KAT2B: variants seen among roughly 807,000 people sequenced by gnomAD.
KAT2B encodes lysine acetyltransferase 2B, also known as histone acetyltransferase KAT2B.
In KAT2B, 36 loss-of-function variants were observed where a neutral mutation model predicts 105.9. The ratio of observed to expected loss-of-function variants is 0.34; its 90% CI spans 0.26 to 0.45. The LOEUF (loss-of-function observed/expected upper bound fraction) is 0.45. KAT2B is among the 20% of genes least tolerant of loss of function. The pLI is 1.00. For missense variants in KAT2B, 820 were observed against 1,021.6 expected (o/e 0.80, Z 2.69); for synonymous variants, 397 against 377.9 (o/e 1.05, Z -0.59).
intron 2 of KAT2B, among the ~76,000 whole-genome samples, chr3:20,080,381 A>G (rs1372236708): frequency 6.6e-6 from 1 of 152,176 alleles, no homozygotes; most frequent in Non-Finnish European, 1.5e-5. Flanking sequence ...ATTTTCTGCC[A>G]GGGAATTCTG....
At chr3:20,107,920 T>A (rs1699051552) in intron 5 of KAT2B, among the ~76,000 whole-genome samples, 1 of 149,434 alleles carries the variant, frequency 6.7e-6, no homozygotes, top group African/African-American at 2.5e-5. Flanking sequence ...ACGATTCTCC[T>A]GCCTCAGGCT....
intron 1 of KAT2B, among the ~76,000 whole-genome samples, chr3:20,060,556 A>G: frequency 6.6e-6 from 1 of 152,208 alleles, no homozygotes; most frequent in Middle Eastern, 3.4e-3. Context: ...AGCTGAGATC[A>G]CGCCATTGCA....
intron 13 of KAT2B, among the ~76,000 whole-genome samples, chr3:20,141,891 A>G (rs1214696467): frequency 1.3e-5 from 2 of 151,792 alleles, no homozygotes; most frequent in African/African-American, 2.4e-5. Context: ...TTAATAAAGC[A>G]CAGCGGGCTC....
chr3:20,047,782 T>A (rs1231816650), intron 1 of KAT2B, among the ~76,000 whole-genome samples: 1 of 151,646 alleles, frequency 6.6e-6, no homozygotes, highest in African/African-American at 2.4e-5. Flanking sequence ...CCTGTTAAAT[T>A]TTTTTGTATT....
intron 1 of KAT2B, among the ~76,000 whole-genome samples, chr3:20,059,412 CAAAAAAAAAAAAA>C (rs34763319): frequency 2.6e-5 from 1 of 38,336 alleles, no homozygotes; most frequent in East Asian, 7.8e-4. Flanking sequence ...GACTCTGTCT[CAAAAAAAAAAAAA>C]AAAAAAAAAA....
chr3:20,080,455 T>A (rs1180065106), intron 2 of KAT2B, among the ~76,000 whole-genome samples: 1 of 152,212 alleles, frequency 6.6e-6, no homozygotes, highest in Non-Finnish European at 1.5e-5. Flanking sequence ...TAGAGCTCTG[T>A]GGCAATGTTC....
intron 12 of KAT2B, among the ~76,000 whole-genome samples, chr3:20,139,086 A>G (rs1470827612): frequency 6.7e-6 from 1 of 150,264 alleles, no homozygotes; most frequent in Non-Finnish European, 1.5e-5. Context: ...ATTTGTAGAG[A>G]TGGTGAGGGG....
chr3:20,088,560 TC>T (rs1698661253), intron 2 of KAT2B, among the ~76,000 whole-genome samples: 1 of 152,254 alleles, frequency 6.6e-6, no homozygotes, highest in Non-Finnish European at 1.5e-5. Context: ...TTGAGAAATG[TC>T]TGTTCATATC....
chr3:20,103,022 A>C (rs957482244), intron 5 of KAT2B, among the ~76,000 whole-genome samples: 20 of 152,224 alleles, frequency 1.3e-4, no homozygotes, highest in Non-Finnish European at 2.5e-4. Flanking sequence ...TCACTTTTGC[A>C]AATATATGCA....
At chr3:20,134,873 C>CT (rs578188415) in intron 11 of KAT2B, among the ~76,000 whole-genome samples, 7 of 152,118 alleles carry the variant, frequency 4.6e-5, no homozygotes, top group East Asian at 1.9e-4. Context: ...TTAATTTTGA[C>CT]TTTTTTTTAC....
chr3:20,116,961 A>G (rs898875175), intron 7 of KAT2B, among the ~76,000 whole-genome samples: 2 of 152,194 alleles, frequency 1.3e-5, no homozygotes, highest in African/African-American at 4.8e-5. Context: ...GTGTGCTGCC[A>G]ATATACAGCA....
At chr3:20,082,676 G>T (rs902690567) in intron 2 of KAT2B, among the ~76,000 whole-genome samples, 1 of 152,086 alleles carries the variant, frequency 6.6e-6, no homozygotes, top group African/African-American at 2.4e-5. Context: ...TTTTGTTTAT[G>T]TAGGAAAAAC....
At chr3:20,105,920 G>A (rs1020366695) in intron 5 of KAT2B, among the ~76,000 whole-genome samples, 5 of 151,868 alleles carry the variant, frequency 3.3e-5, no homozygotes, top group South Asian at 4.1e-4. Context: ...ACAGCCTATT[G>A]CCATGTATAC....
At position 20,069,525 on chromosome 3, in the gene KAT2B, TTTTC is replaced by T. The variant is rs779693044; in HGVS notation, c.304-2804_304-2801del. The stretch of plus-strand genomic sequence containing the variant: ...GAGCTTTTCTTTTTCTTTTCTTTTC[TTTTC>T]TTTTTTTTTTTTTTGAGACAGAGTC... On this transcript the variant is annotated intron_variant, in intron 1 of 17. Coordinates refer to ENST00000263754, the MANE Select transcript of KAT2B (RefSeq NM_003884.5). Among the ~76,000 whole-genome samples, 1,077 of 141,790 alleles carry T rather than the reference TTTTC, an allele frequency of 7.6e-3. 8 individuals carry two copies. The highest frequency in any genetic ancestry group is 0.024 in the African/African-American group (953 of 38,920). The allele number at this position is 141,790 out of a possible 152,430, so 93.0% of individuals were successfully genotyped here. A position where few individuals can be genotyped will look rare whatever the true frequency, so the allele number is the denominator to read the frequency against.
At chr3:20,053,841 C>T (rs1697957999) in intron 1 of KAT2B, among the ~76,000 whole-genome samples, 1 of 151,894 alleles carries the variant, frequency 6.6e-6, no homozygotes, top group South Asian at 2.1e-4. Context: ...CTCTGTAGCC[C>T]AGGCTGGAGT....
At chr3:20,141,599 C>A (rs150169098) in intron 13 of KAT2B, among the ~76,000 whole-genome samples, 1 of 152,236 alleles carries the variant, frequency 6.6e-6, no homozygotes, top group Non-Finnish European at 1.5e-5. Context: ...TTATACCCAT[C>A]TTTGTTTTCT....
intron 2 of KAT2B, among the ~76,000 whole-genome samples, chr3:20,084,697 C>T (rs1016645106): frequency 6.6e-6 from 1 of 152,148 alleles, no homozygotes; most frequent in African/African-American, 2.4e-5. Flanking sequence ...TAATTTTTAT[C>T]AGGCTACTCT....
At chr3:20,094,813 C>T (rs755377027) in intron 2 of KAT2B, among the ~76,000 whole-genome samples, 3 of 152,140 alleles carry the variant, frequency 2.0e-5, no homozygotes, top group East Asian at 1.9e-4. Flanking sequence ...CTCCACAGGA[C>T]TTAGAGCTAT....
chr3:20,081,582 G>A (rs1378290563), intron 2 of KAT2B, among the ~76,000 whole-genome samples: 1 of 152,026 alleles, frequency 6.6e-6, no homozygotes, highest in African/African-American at 2.4e-5. Context: ...TGGACACTGG[G>A]GGAACTGTGG....
Sources: gnomAD v4.1 joint callset for allele counts (sites outside exome capture counted in the v4.1 genomes callset) on GRCh38, gnomAD v4.1.1 for gene constraint, MANE v1.5 for transcripts, NCBI Gene and HGNC (gene_info 2026-07-23, HGNC 2026-07-21) for gene names.